WFDC2: variants seen among roughly 807,000 people sequenced by gnomAD.
The protein encoded by WFDC2 is WAP four-disulfide core domain protein 2.
A neutral mutation model predicts 12.5 loss-of-function variants in WFDC2; 8 were observed. That is an observed-to-expected ratio of 0.64 (90% CI 0.37 to 1.15). WFDC2 has a LOEUF of 1.15. Ranked by LOEUF, WFDC2 falls within the 50% of genes most tolerant of loss-of-function variation. The pLI is 0.01. For synonymous variants in WFDC2, 74 were observed against 67.2 expected (o/e 1.10, Z -0.49); for missense variants, 166 against 159.9 (o/e 1.04, Z -0.21).
In WFDC2 at chr20:45,470,448, C is replaced by G; in HGVS notation, c.139C>G (p.Gln47Glu). ...GCTCCAGGCTGACCAGAACTGCACG[C>G]AAGAGTGCGTCTCGGACAGCGAATG... ...PELQADQNCT[Q>E]ECVSDSECAD... Residue 47 changes from glutamine to glutamate, a missense_variant, in exon 2 of 4, where the codon CAA becomes GAA. Physicochemically the swap from Gln to Glu is conservative, Grantham distance 29. Coordinates refer to ENST00000372676, the MANE Select transcript of WFDC2 (RefSeq NM_006103.4). This position sits in a 1 kb window ranked among gnomAD's most constrained non-coding sequence, Gnocchi z 5.4. 6.3e-7 allele frequency: 1 copy of G among 1,595,280 alleles called. No homozygotes were observed. Among genetic ancestry groups the G allele is most frequent in the African/African-American group, 1.3e-5 (1 of 74,822 alleles).
intron 2 of WFDC2, among the ~76,000 whole-genome samples, chr20:45,472,676 G>A (rs1369458016): frequency 6.6e-6 from 1 of 152,128 alleles, no homozygotes; most frequent in Non-Finnish European, 1.5e-5. Context: ...CTTTATTGTA[G>A]AATGATTTAT....
chr20:45,471,210 C>T (rs1357986497), intron 2 of WFDC2: 1 of 469,380 alleles, frequency 2.1e-6, no homozygotes, highest in South Asian at 1.6e-5. Flanking sequence ...ACTGTATCGC[C>T]CTTCGTCGTC....
At chr20:45,472,532 G>T (rs1991185237) in intron 2 of WFDC2, among the ~76,000 whole-genome samples, 1 of 151,866 alleles carries the variant, frequency 6.6e-6, no homozygotes, top group African/African-American at 2.4e-5. Flanking sequence ...TGGGCATTTG[G>T]GTTGGTTCCA....
At chr20:45,480,674 G>A (rs576925396) in intron 3 of WFDC2, among the ~76,000 whole-genome samples, 22 of 152,224 alleles carry the variant, frequency 1.4e-4, no homozygotes, top group Non-Finnish European at 2.4e-4. Flanking sequence ...TTGAAATCTC[G>A]TGGTTGTCAT....
Position 45,470,580 on chromosome 20 carries a change from TG to T in WFDC2, c.223+51del. 1 of 1,504,304 alleles carries T rather than the reference TG, an allele frequency of 6.6e-7. No individual in the cohort carries two copies. Among genetic ancestry groups the T allele is most frequent in the Non-Finnish European group, 8.9e-7 (1 of 1,123,042 alleles). The allele number at this position is 1,504,304 out of a possible 1,614,324, so 93.2% of individuals were successfully genotyped here. A position where few individuals can be genotyped will look rare whatever the true frequency, so the allele number is the denominator to read the frequency against. On this transcript the variant is annotated intron_variant, in intron 2 of 3. Coordinates refer to ENST00000372676, the MANE Select transcript of WFDC2 (RefSeq NM_006103.4). This position sits in a 1 kb window ranked among gnomAD's most constrained non-coding sequence, Gnocchi z 5.4. ...GGAACGGGGCGGGGCCGCGCTGGGCTGGGAGGAGGTGGGAGGGCCCGGGTTC... is the reference window on the plus strand; with the variant it reads ...GGAACGGGGCGGGGCCGCGCTGGGCTGGAGGAGGTGGGAGGGCCCGGGTTC...
rs200993376 is a variant in WFDC2 at position 45,479,988 on chromosome 20, C to T, written c.270C>T (p.Leu90=). ...CPQVNINFPQ[L]GLCRDQCQVD... ...AGGTGAACATTAACTTTCCCCAGCT[C>T]GGCCTCTGTCGGGACCAGTGCCAGG... Residue 90 remains leucine, a synonymous_variant, in exon 3 of 4, where the codon CTC becomes CTT. Coordinates refer to ENST00000372676, the MANE Select transcript of WFDC2 (RefSeq NM_006103.4). 39 of 1,614,124 alleles carry T rather than the reference C, an allele frequency of 2.4e-5. No homozygotes were observed. Among genetic ancestry groups the T allele is most frequent in the Middle Eastern group, 1.6e-4 (1 of 6,084 alleles).
At chr20:45,472,183 T>C (rs1297115222) in intron 2 of WFDC2, among the ~76,000 whole-genome samples, 2 of 152,154 alleles carry the variant, frequency 1.3e-5, no homozygotes, top group Non-Finnish European at 2.9e-5. Context: ...GTTTGTTACA[T>C]AGGTATACAT....
At position 45,470,800 on chromosome 20, in the gene WFDC2, C is replaced by A. The variant is rs759219075; in HGVS notation, c.223+268C>A. On this transcript the variant is annotated intron_variant, in intron 2 of 3. Transcript: ENST00000372676. This position sits in a 1 kb window ranked among gnomAD's most constrained non-coding sequence, Gnocchi z 5.4. ...TGACGGGCTTCCGGGCACGCACAGCCGGGACATTGTTCCCCGCGGCCTGGG... is the reference window on the plus strand; with the variant it reads ...TGACGGGCTTCCGGGCACGCACAGCAGGGACATTGTTCCCCGCGGCCTGGG... Among the ~76,000 whole-genome samples, 3 of 152,150 alleles carry A rather than the reference C, an allele frequency of 2.0e-5. No homozygotes were observed. The highest frequency in any genetic ancestry group is 7.2e-5 in the African/African-American group (3 of 41,454).
intron 2 of WFDC2, among the ~76,000 whole-genome samples, chr20:45,478,464 C>T (rs1991260478): frequency 6.6e-6 from 1 of 152,162 alleles, no homozygotes; most frequent in Admixed American, 6.5e-5. Context: ...CCCTACCCTA[C>T]TTCTGCTCGC....
intron 2 of WFDC2, 171 bp from the exon 3 acceptor site, chr20:45,479,771 T>C (rs577888510): frequency 6.2e-7 from 1 of 1,613,876 alleles, no homozygotes; most frequent in South Asian, 1.1e-5. Flanking sequence ...GATTTGCAGG[T>C]GATCTTCCTG....
At chr20:45,479,731 C>T (rs1036982062) in intron 2 of WFDC2, 13 of 1,613,918 alleles carry the variant, frequency 8.1e-6, no homozygotes, top group Non-Finnish European at 1.1e-5. Context: ...AAGCTGAGGT[C>T]CTGTGATTCC....
Position 45,480,086 on chromosome 20 carries a change from A to G in WFDC2, c.368A>G (p.Asn123Ser). The G allele has an allele frequency of 6.2e-7, 1 of 1,613,852 alleles. No individual in the cohort carries two copies. The highest frequency in any genetic ancestry group is 1.1e-5 in the South Asian group (1 of 91,064). ...GGGAAGGTGTCCTGTGTCACTCCCA[A>G]TTTCTGAGGTAAGTGAACGGGAAAG... is the stretch of plus-strand genomic sequence containing the variant. ...GCGKVSCVTP[N>S]F Residue 123 changes from asparagine (N) to serine (S), a missense_variant, in exon 3 of 4, where the codon AAT becomes AGT. By Grantham distance (46) the Asn-to-Ser change is conservative (BLOSUM62 1). Coordinates refer to ENST00000372676, the MANE Select transcript of WFDC2 (RefSeq NM_006103.4).
chr20:45,475,790 C>G (rs566802427), intron 2 of WFDC2, among the ~76,000 whole-genome samples: 22 of 152,120 alleles, frequency 1.4e-4, no homozygotes, highest in Non-Finnish European at 3.1e-4. Flanking sequence ...AAGTTTCCCA[C>G]TATTATTATG....
In WFDC2 at chr20:45,470,375, GCCTCCCCT is replaced by G. The variant is rs932005697; in HGVS notation, c.80-11_80-4del. ...TACGCCCCACCCTCGACTGTCCCGG[GCCTCCCCT>G]CCCAGGCACAGGAGCAGAGAAGACT... On this transcript the variant is annotated splice_polypyrimidine_tract_variant and splice_region_variant and intron_variant, in intron 1 of 3. Coordinates refer to ENST00000372676, the MANE Select transcript of WFDC2 (RefSeq NM_006103.4). The surrounding 1 kb of genome is among the most constrained non-coding windows in gnomAD (Gnocchi z 5.4). The G allele has an allele frequency of 3.8e-6, 6 of 1,573,794 alleles. No homozygotes were observed. Among genetic ancestry groups the G allele is most frequent in the East Asian group, 2.3e-5 (1 of 42,774 alleles).
At chr20:45,481,179 G>A (rs1429396088) in intron 3 of WFDC2, among the ~76,000 whole-genome samples, 192 bp from the exon 4 acceptor site, 2 of 152,048 alleles carry the variant, frequency 1.3e-5, no homozygotes, top group Admixed American at 1.3e-4. Flanking sequence ...GCTAGGGATG[G>A]TCTGAAGGAG....
intron 2 of WFDC2, among the ~76,000 whole-genome samples, chr20:45,478,816 G>A (rs548957062): frequency 5.9e-4 from 86 of 146,014 alleles, no homozygotes; most frequent in Non-Finnish European, 1.1e-3. Context: ...TTAGTAGAGC[G>A]GGGGGTCTCG....
chr20:45,479,756 G>A (rs1277927624), intron 2 of WFDC2, 186 bp from the exon 3 acceptor site: 7 of 1,613,868 alleles, frequency 4.3e-6, no homozygotes, highest in Non-Finnish European at 5.9e-6. Context: ...GGGAGCAGGA[G>A]GAGGGATTTG....
At chr20:45,479,277 T>C (rs1991271236) in intron 2 of WFDC2, among the ~76,000 whole-genome samples, 1 of 152,234 alleles carries the variant, frequency 6.6e-6, no homozygotes, top group East Asian at 1.9e-4. Flanking sequence ...ACACTTTAAG[T>C]GGCAGCATAG....
At position 45,479,795 on chromosome 20, in the gene WFDC2, C is replaced by A; in HGVS notation, c.224-147C>A. 1.9e-6 allele frequency: 3 copies of A among 1,613,592 alleles called. No homozygotes were observed. In the South Asian group the frequency reaches 3.3e-5, roughly 18 times the overall value. On this transcript the variant is annotated intron_variant, in intron 2 of 3. Coordinates refer to ENST00000372676, the MANE Select transcript of WFDC2 (RefSeq NM_006103.4). ...GTGATCTTCCTGGGCCTCCTGAGAGCAGCTCAGGTGCCCAAGATGGACTCA... is the reference window on the plus strand; with the variant it reads ...GTGATCTTCCTGGGCCTCCTGAGAGAAGCTCAGGTGCCCAAGATGGACTCA...
Sources: allele counts gnomAD v4.1 joint callset (sites outside exome capture counted in the v4.1 genomes callset), GRCh38; gene constraint gnomAD v4.1.1; non-coding constraint Gnocchi (gnomAD v3.1); transcripts MANE v1.5; gene names NCBI Gene and HGNC (gene_info 2026-07-23, HGNC 2026-07-21).